NAA15: variants seen among roughly 807,000 people sequenced by gnomAD.
The protein encoded by NAA15 is N-alpha-acetyltransferase 15, NatA auxiliary subunit, also known as N-terminal acetyltransferase.
In NAA15, 34 loss-of-function variants were observed where a neutral mutation model predicts 114.0. The ratio of observed to expected loss-of-function variants is 0.30; its 90% CI spans 0.23 to 0.40. The LOEUF (loss-of-function observed/expected upper bound fraction) is 0.40, where lower values mean the gene tolerates loss of function less well. Ranked by LOEUF, NAA15 falls within the 10% of genes least tolerant of loss-of-function variation. The pLI is 1.00. For missense variants in NAA15, 658 were observed against 1,004.5 expected (o/e 0.66, Z 4.66); for synonymous variants, 340 against 338.0 (o/e 1.01, Z -0.06).
intron 14 of NAA15, among the ~76,000 whole-genome samples, chr4:139,369,458 T>C (rs910455008): frequency 2.6e-5 from 4 of 152,252 alleles, no homozygotes; most frequent in Admixed American, 2.6e-4. Context: ...GGCTAGGTAC[T>C]GCTGGGTGCG....
At chr4:139,337,308 A>T (rs763625396) in intron 3 of NAA15, among the ~76,000 whole-genome samples, 6 of 152,220 alleles carry the variant, frequency 3.9e-5, no homozygotes, top group Non-Finnish European at 8.8e-5. Flanking sequence ...TCTCAAAAAG[A>T]AAAAGGATAT....
At chr4:139,365,868 G>GA (rs1748265900) in intron 14 of NAA15, among the ~76,000 whole-genome samples, 1 of 151,996 alleles carries the variant, frequency 6.6e-6, no homozygotes, top group African/African-American at 2.4e-5. Flanking sequence ...AAGAAAGAGA[G>GA]AAAAAATATA....
At chr4:139,377,007 T>C (rs1334918224) in intron 16 of NAA15, among the ~76,000 whole-genome samples, 1 of 152,202 alleles carries the variant, frequency 6.6e-6, no homozygotes, top group Non-Finnish European at 1.5e-5. Context: ...TGAAGGGTCT[T>C]GGTTTCCAGG....
intron 2 of NAA15, among the ~76,000 whole-genome samples, chr4:139,336,221 T>G (rs1180484336): frequency 6.6e-6 from 1 of 152,312 alleles, no homozygotes; most frequent in Non-Finnish European, 1.5e-5. Context: ...TTCACTTCCT[T>G]TAGGCTTCAT....
In NAA15 at chr4:139,361,917, A is replaced by G; in HGVS notation, c.1733A>G (p.Lys578Arg). ...LHDNPLTDEN[K>R]EHEADTANMS... ...GACAACCCCCTTACAGATGAGAATAAAGAACACGAAGCTGATACAGGTATA... is the reference window on the plus strand; with the variant it reads ...GACAACCCCCTTACAGATGAGAATAGAGAACACGAAGCTGATACAGGTATA... The change falls in exon 14 of 20, where the codon AAA becomes AGA. Residue 578 changes from lysine to arginine, a missense_variant. This residue lies in a region of NAA15 where 275 missense variants were observed against 371.1 expected (regional missense o/e 0.74). Coordinates refer to ENST00000296543, the MANE Select transcript of NAA15 (RefSeq NM_057175.5). 6.2e-7 allele frequency: 1 copy of G among 1,611,934 alleles called. No individual in the cohort carries two copies. Among genetic ancestry groups the G allele is most frequent in the South Asian group, 1.1e-5 (1 of 90,858 alleles).
chr4:139,387,254 A>G (rs1432082590), intron 19 of NAA15, among the ~76,000 whole-genome samples: 1 of 152,196 alleles, frequency 6.6e-6, no homozygotes, highest in Non-Finnish European at 1.5e-5. Flanking sequence ...AGAAATGCAA[A>G]TCAACATGAA....
chr4:139,304,513 C>T (rs1745941507), intron 1 of NAA15, among the ~76,000 whole-genome samples: 1 of 152,122 alleles, frequency 6.6e-6, no homozygotes, highest in Non-Finnish European at 1.5e-5. Flanking sequence ...TGTTTGAGTC[C>T]CTTATGTAAA....
rs75184030 is a variant in NAA15 at position 139,311,702 on chromosome 4, C to T, written c.54+9871C>T. Among the ~76,000 whole-genome samples, 1,326 of 151,894 alleles carry T rather than the reference C, an allele frequency of 8.7e-3. 42 individuals carry two copies. Among genetic ancestry groups the T allele is most frequent in the African/African-American group, 0.03 (1,260 of 41,352 alleles). On this transcript the variant is annotated intron_variant, in intron 1 of 19. Coordinates refer to ENST00000296543, the MANE Select transcript of NAA15 (RefSeq NM_057175.5). ...CTTCAGATAGTAGGGCTCAGCCATA[C>T]GTCATTTCATAAAGCTTTACAACCG...
intron 16 of NAA15, 39 bp from the exon 17 acceptor site, chr4:139,378,716 AT>A: frequency 7.4e-7 from 1 of 1,349,206 alleles, no homozygotes; most frequent in Non-Finnish European, 1.0e-6. Context: ...GAGGCCTCTT[AT>A]CCAATGATCA....
At chr4:139,344,960 G>C (rs546622437) in intron 6 of NAA15, among the ~76,000 whole-genome samples, 1 of 152,178 alleles carries the variant, frequency 6.6e-6, no homozygotes, top group Non-Finnish European at 1.5e-5. Context: ...AGTTGAGGGC[G>C]TGATTATAGA....
At chr4:139,340,880 T>C in intron 3 of NAA15, 32 bp from the exon 4 acceptor site, 2 of 1,477,456 alleles carry the variant, frequency 1.4e-6, no homozygotes, top group Non-Finnish European at 1.8e-6. Flanking sequence ...AATTTTTGAC[T>C]TGTAGGTTGT....
At position 139,315,018 on chromosome 4, in the gene NAA15, TAGG is replaced by T; in HGVS notation, c.54+13188_54+13190del. Among the ~76,000 whole-genome samples the T allele has an allele frequency of 1.8e-5, 2 of 108,728 alleles. 1 individual carries two copies. Among genetic ancestry groups the T allele is most frequent in the Non-Finnish European group, 3.6e-5 (2 of 54,902 alleles). The allele number at this position is 108,728 out of a possible 152,430, so 71.3% of individuals were successfully genotyped here. On this transcript the variant is annotated intron_variant, in intron 1 of 19. Coordinates refer to ENST00000296543, the MANE Select transcript of NAA15 (RefSeq NM_057175.5). ...CAGTTCAGTTTAGTTTAGGTTAGGT[TAGG>T]TTAGGTTAGGTTAGGTTAGGTTAGG...
chr4:139,378,220 T>TG (rs1327726345), intron 16 of NAA15, among the ~76,000 whole-genome samples: 1 of 152,138 alleles, frequency 6.6e-6, no homozygotes, highest in African/African-American at 2.4e-5. Flanking sequence ...GAGATACTAC[T>TG]GAATCTTGGG....
chr4:139,310,230 G>A (rs530563807), intron 1 of NAA15, among the ~76,000 whole-genome samples: 3 of 151,942 alleles, frequency 2.0e-5, no homozygotes, highest in Admixed American at 2.0e-4. Flanking sequence ...CGAGGCGGGC[G>A]GATCACGAGG....
Position 139,390,026 on chromosome 4 carries a change from C to G in NAA15, c.*1942C>G, listed in dbSNP as rs1749012665. ...TGTTGGGAAAGAACACTAGTCCTACCTCTGCCACTAATGAGGTGTTTGGAG... is the reference window on the plus strand; with the variant it reads ...TGTTGGGAAAGAACACTAGTCCTACGTCTGCCACTAATGAGGTGTTTGGAG... On this transcript the variant is annotated 3_prime_UTR_variant, in exon 20 of 20. Coordinates refer to ENST00000296543, the MANE Select transcript of NAA15 (RefSeq NM_057175.5). 1 of 152,618 alleles carries G rather than the reference C, an allele frequency of 6.6e-6. No individual in the cohort carries two copies. The highest frequency in any genetic ancestry group is 1.5e-5 in the Non-Finnish European group (1 of 68,046). 9.5% of individuals were successfully genotyped at this position (152,618 alleles called of 1,614,324 possible).
At position 139,357,377 on chromosome 4, in the gene NAA15, TCTC is replaced by T. The variant is rs761221497; in HGVS notation, c.1088-6_1088-4del. 6.2e-5 allele frequency: 100 copies of T among 1,613,144 alleles called. No homozygotes were observed. In the Middle Eastern group the frequency reaches 6.6e-4, roughly 11 times the overall value. Reference sequence around the variant, plus strand: ...CCTCATCTTGGTTTCTTCTCCCTCTTCTCCTAAGATGATGGAAAGGAGGAACCA... The same window carrying T: ...CCTCATCTTGGTTTCTTCTCCCTCTTCTAAGATGATGGAAAGGAGGAACCA... On this transcript the variant is annotated splice_region_variant and splice_polypyrimidine_tract_variant and intron_variant, in intron 10 of 19. Transcript: ENST00000296543.
intron 14 of NAA15, among the ~76,000 whole-genome samples, chr4:139,362,276 T>G (rs994387458): frequency 6.6e-6 from 1 of 152,212 alleles, no homozygotes; most frequent in African/African-American, 2.4e-5. Context: ...GTGTTGGCTA[T>G]TAGTATTACT....
chr4:139,327,359 C>G (rs1347339781), intron 1 of NAA15, among the ~76,000 whole-genome samples: 1 of 152,196 alleles, frequency 6.6e-6, no homozygotes, highest in Non-Finnish European at 1.5e-5. Flanking sequence ...AAGTGATTCT[C>G]ATGCCTCAGC....
intron 1 of NAA15, among the ~76,000 whole-genome samples, chr4:139,309,305 G>A (rs952093862): frequency 3.3e-5 from 5 of 149,928 alleles, no homozygotes; most frequent in Non-Finnish European, 5.9e-5. Flanking sequence ...CCGAGATCGC[G>A]CCATTGCTCT....
Sources: gnomAD v4.1 joint callset for allele counts (sites outside exome capture counted in the v4.1 genomes callset) on GRCh38, gnomAD v4.1.1 for gene constraint, gnomAD v4.1.1 regional missense constraint, MANE v1.5 for transcripts, NCBI Gene and HGNC (gene_info 2026-07-23, HGNC 2026-07-21) for gene names.